The following AP3S1 variants were observed in gnomAD, a reference collection of about 807,000 sequenced individuals.
AP3S1 encodes the protein adaptor related protein complex 3 subunit sigma 1.
A neutral mutation model predicts 21.3 loss-of-function variants in AP3S1; 12 were observed. That is an observed-to-expected ratio of 0.56 (90% CI 0.36 to 0.91). The LOEUF is 0.91. AP3S1 is among the 40% of genes least tolerant of loss of function. The pLI is 0.01. For synonymous variants in AP3S1, 48 were observed against 78.4 expected, an observed-to-expected ratio of 0.61 and a Z score of 2.05; for missense variants, 116 against 225.0, an observed-to-expected ratio of 0.52 and a Z score of 3.10.
chr5:115,850,815 T>C (rs1197668342), intron 1 of AP3S1, among the ~76,000 whole-genome samples: 1 of 152,186 alleles, frequency 6.6e-6, no homozygotes, highest in Non-Finnish European at 1.5e-5. Context: ...ATGAGAACAG[T>C]TGCCTGGGAG....
chr5:115,886,530 C>T (rs981496726), intron 3 of AP3S1, among the ~76,000 whole-genome samples: 1 of 152,130 alleles, frequency 6.6e-6, no homozygotes, highest in Admixed American at 6.6e-5. Flanking sequence ...TTCTCTAGCT[C>T]GTTTTATTGT....
chr5:115,904,082 A>C (rs982676139), intron 5 of AP3S1: 1 of 152,144 alleles, frequency 6.6e-6, no homozygotes, highest in Non-Finnish European at 1.5e-5. Flanking sequence ...CATCTCAAAA[A>C]AAAAAAGAAA....
intron 1 of AP3S1, among the ~76,000 whole-genome samples, chr5:115,849,104 G>C (rs758470704): frequency 2.6e-5 from 4 of 152,126 alleles, no homozygotes; most frequent in Non-Finnish European, 5.9e-5. Flanking sequence ...GTATTTATTT[G>C]TTGTTTGTAT....
chr5:115,906,776 G>A (rs1486869037), intron 5 of AP3S1: 20 of 1,392,480 alleles, frequency 1.4e-5, no homozygotes, highest in African/African-American at 1.0e-4. Context: ...TTTTTTTTCC[G>A]AACATCCTGA....
intron 3 of AP3S1, among the ~76,000 whole-genome samples, chr5:115,878,183 G>T (rs1394675494): frequency 6.6e-6 from 1 of 152,096 alleles, no homozygotes; most frequent in African/African-American, 2.4e-5. Context: ...TTCTTTTGCT[G>T]TTCAGAAACT....
chr5:115,906,211 T>C (rs2112582172), intron 5 of AP3S1, among the ~76,000 whole-genome samples: 1 of 152,296 alleles, frequency 6.6e-6, no homozygotes, highest in South Asian at 2.1e-4. Flanking sequence ...TCATGATTGA[T>C]GAAAAGAACT....
At chr5:115,898,073 TG>T (rs1476212312) in intron 4 of AP3S1, among the ~76,000 whole-genome samples, 1 of 152,248 alleles carries the variant, frequency 6.6e-6, no homozygotes, top group Non-Finnish European at 1.5e-5. Flanking sequence ...TCACGCAGTA[TG>T]TTTATCATAT....
intron 1 of AP3S1, among the ~76,000 whole-genome samples, chr5:115,864,884 A>G (rs1380172629): frequency 1.3e-5 from 2 of 152,234 alleles, no homozygotes; most frequent in African/African-American, 2.4e-5. Context: ...ACATTAGACA[A>G]TCTGGCAGAA....
chr5:115,873,350 C>T (rs551139101), intron 3 of AP3S1, among the ~76,000 whole-genome samples: 47 of 152,244 alleles, frequency 3.1e-4, no homozygotes, highest in Admixed American at 1.0e-3. Flanking sequence ...ACGTTGATCA[C>T]TTGTTTTGAT....
chr5:115,846,078 A>G (rs1201672768), intron 1 of AP3S1, among the ~76,000 whole-genome samples: 1 of 152,142 alleles, frequency 6.6e-6, no homozygotes, highest in Non-Finnish European at 1.5e-5. Flanking sequence ...TGAGACTTAT[A>G]TTTTATAAAC....
At chr5:115,878,517 C>T (rs1329911070) in intron 3 of AP3S1, among the ~76,000 whole-genome samples, 1 of 152,104 alleles carries the variant, frequency 6.6e-6, no homozygotes, top group Non-Finnish European at 1.5e-5. Context: ...AGATGTGTGG[C>T]ATTATTTCTG....
intron 1 of AP3S1, chr5:115,852,850 G>C (rs1282110006): frequency 6.4e-6 from 2 of 310,250 alleles, no homozygotes; most frequent in Non-Finnish European, 1.3e-5. Flanking sequence ...TATATACACT[G>C]TATCTTGTTT....
chr5:115,863,602 A>T (rs1763367978), intron 1 of AP3S1, among the ~76,000 whole-genome samples: 1 of 152,034 alleles, frequency 6.6e-6, no homozygotes, highest in Admixed American at 6.6e-5. Flanking sequence ...AAATTCATGA[A>T]TCTGTAGCTA....
At position 115,860,588 on chromosome 5, in the gene AP3S1, A is replaced by T. The variant is rs139520320; in HGVS notation, c.70-6082A>T. ...CTTCCAGACATATGTAAAAGCACCA[A>T]TTCATGAGGTTTTTGCCTAGTTTGT... On this transcript the variant is annotated intron_variant, in intron 1 of 5. Coordinates refer to ENST00000316788, the MANE Select transcript of AP3S1 (RefSeq NM_001284.4). 5.1e-3 allele frequency among the ~76,000 whole-genome samples: 770 copies of T among 152,234 alleles called. 2 individuals carry two copies. Among genetic ancestry groups the T allele is most frequent in the South Asian group, 7.1e-3 (34 of 4,812 alleles).
chr5:115,884,255 ATATATTATGGT>A (rs2112881521), intron 3 of AP3S1, among the ~76,000 whole-genome samples: 1 of 152,302 alleles, frequency 6.6e-6, no homozygotes, highest in African/African-American at 2.4e-5. Flanking sequence ...TTAGAAGTTC[ATATATTATGGT>A]TACTCTTAAG....
intron 1 of AP3S1, among the ~76,000 whole-genome samples, chr5:115,852,349 A>G (rs1762496511): frequency 6.6e-6 from 1 of 152,184 alleles, no homozygotes. Context: ...ACTCTTCCAC[A>G]GAAAAGTTCT....
intron 4 of AP3S1, among the ~76,000 whole-genome samples, chr5:115,897,567 C>CT (rs973817836): frequency 4.7e-5 from 7 of 148,796 alleles, no homozygotes; most frequent in East Asian, 3.9e-4. Flanking sequence ...CTCACATTTT[C>CT]TTTTTTTTTT....
intron 1 of AP3S1, among the ~76,000 whole-genome samples, chr5:115,856,933 G>A (rs7713314): frequency 0.26 from 39,098 of 152,004 alleles, 6,620 homozygotes; most frequent in African/African-American, 0.45. Context: ...GAAACTTTGT[G>A]CCCTTTGATC....
At chr5:115,913,004 A>G (rs1477683931) in intron 5 of AP3S1, among the ~76,000 whole-genome samples, 4 of 152,290 alleles carry the variant, frequency 2.6e-5, no homozygotes, top group South Asian at 4.1e-4. Flanking sequence ...GTTGCAAGAG[A>G]TATTTAATAA....
Sources: allele counts gnomAD v4.1 joint callset (sites outside exome capture counted in the v4.1 genomes callset), GRCh38; gene constraint gnomAD v4.1.1; transcripts MANE v1.5; gene names NCBI Gene and HGNC (gene_info 2026-07-23, HGNC 2026-07-21).